Variants in KLF12 observed in about 807,000 individuals in gnomAD.
KLF12 encodes Krueppel-like factor 12.
Under a neutral mutation model 37.8 loss-of-function variants are expected in KLF12, and 9 were observed. The observed-to-expected ratio is 0.24, with a 90% CI of 0.14 to 0.42. KLF12 has a LOEUF of 0.42. Among genes scored for constraint, KLF12 ranks in the 10% least tolerant of loss-of-function variants. KLF12 has a pLI of 1.00. For missense variants in KLF12, 411 were observed against 516.0 expected, an observed-to-expected ratio of 0.80 and a Z score of 1.97; for synonymous variants, 208 against 202.1, an observed-to-expected ratio of 1.03 and a Z score of -0.25.
chr13:74,126,096 CAT>C (rs1280856786), intron 1 of KLF12, among the ~76,000 whole-genome samples: 3 of 152,142 alleles, frequency 2.0e-5, no homozygotes, highest in East Asian at 1.9e-4. Flanking sequence ...GCATATAGCA[CAT>C]ATGTGCTGTA....
chr13:74,040,579 T>G (rs1281028927), intron 1 of KLF12, among the ~76,000 whole-genome samples: 1 of 152,204 alleles, frequency 6.6e-6, no homozygotes, highest in Non-Finnish European at 1.5e-5. Context: ...CCTTTTCCAT[T>G]TTCAAACAAC....
intron 3 of KLF12, among the ~76,000 whole-genome samples, chr13:73,870,876 G>A (rs1206634379): frequency 1.3e-5 from 2 of 152,146 alleles, no homozygotes; most frequent in Non-Finnish European, 2.9e-5. Context: ...TGACTTCCTT[G>A]GACTTTTTTT....
chr13:74,110,108 CAT>C (rs905741978), intron 1 of KLF12, among the ~76,000 whole-genome samples: 50 of 152,194 alleles, frequency 3.3e-4, no homozygotes, highest in African/African-American at 1.1e-3. Flanking sequence ...TGAAATGTCA[CAT>C]GTTTCTCTGT....
chr13:74,205,536 G>A, the KLF12 span, among the ~76,000 whole-genome samples: 2 of 152,176 alleles, frequency 1.3e-5, no homozygotes, highest in East Asian at 3.9e-4. Context: ...AATTGATGTT[G>A]GCTCACTCTG....
At chr13:73,938,637 G>A (rs929890380) in intron 3 of KLF12, among the ~76,000 whole-genome samples, 1 of 152,200 alleles carries the variant, frequency 6.6e-6, no homozygotes, top group Non-Finnish European at 1.5e-5. Flanking sequence ...TTACATTACA[G>A]CTGACTTCAT....
At chr13:73,716,747 CTTTT>C (rs111769612) in intron 6 of KLF12, among the ~76,000 whole-genome samples, 5 of 151,806 alleles carry the variant, frequency 3.3e-5, no homozygotes, top group African/African-American at 7.3e-5. Flanking sequence ...TGTTTTATTC[CTTTT>C]TTTAATTCAA....
chr13:73,819,129 A>G (rs921674913), intron 4 of KLF12, among the ~76,000 whole-genome samples: 2 of 152,166 alleles, frequency 1.3e-5, no homozygotes, highest in Non-Finnish European at 2.9e-5. Context: ...TTTAGGATAA[A>G]AACATGGCTC....
At chr13:74,286,845 A>G in the KLF12 span, among the ~76,000 whole-genome samples, 13 of 152,132 alleles carry the variant, frequency 8.5e-5, no homozygotes, top group African/African-American at 3.1e-4. Flanking sequence ...TGTGCCTTCC[A>G]TGAGTTTTAT....
rs148320312 is a variant in KLF12, at chr13:73,708,085, G to A, written c.1027+7283C>T. ...TTAAATAATGTGTGGTTTCATAAAG[G>A]TAGGGAAGATCATACTCTGGAAACC... On this transcript the variant is annotated intron_variant, in intron 7 of 7. Transcript: ENST00000377669. 2.9e-3 allele frequency among the ~76,000 whole-genome samples: 446 copies of A among 152,222 alleles called. 3 individuals are homozygous for A. The highest frequency in any genetic ancestry group is 0.01 in the African/African-American group (436 of 41,542).
the KLF12 span, among the ~76,000 whole-genome samples, chr13:74,152,001 G>T: frequency 6.6e-6 from 1 of 152,254 alleles, no homozygotes; most frequent in East Asian, 1.9e-4. Context: ...AATAAAAAGG[G>T]CAACTAACAC....
At chr13:74,045,207 C>T (rs1893510502) in intron 1 of KLF12, among the ~76,000 whole-genome samples, 1 of 152,118 alleles carries the variant, frequency 6.6e-6, no homozygotes, top group African/African-American at 2.4e-5. Context: ...AAGCTGACAA[C>T]CCCTATTTCA....
chr13:74,071,479 G>C (rs530442840), intron 1 of KLF12, among the ~76,000 whole-genome samples: 6 of 151,816 alleles, frequency 4.0e-5, no homozygotes, highest in Non-Finnish European at 8.8e-5. Context: ...AAGGTCAGGA[G>C]ATCGAGACCA....
At chr13:73,748,907 C>T (rs1390584456) in intron 6 of KLF12, among the ~76,000 whole-genome samples, 1 of 152,124 alleles carries the variant, frequency 6.6e-6, no homozygotes, top group East Asian at 1.9e-4. Flanking sequence ...TATATTTATT[C>T]ACCCCATGTC....
At chr13:74,186,458 C>T in the KLF12 span, among the ~76,000 whole-genome samples, 1 of 152,026 alleles carries the variant, frequency 6.6e-6, no homozygotes, top group Non-Finnish European at 1.5e-5. Flanking sequence ...AGCAGTAGCC[C>T]AGGAACTTTG....
upstream of KLF12, among the ~76,000 whole-genome samples, chr13:74,138,545 A>C (rs1269069080): frequency 6.6e-6 from 1 of 152,214 alleles, no homozygotes; most frequent in Admixed American, 6.5e-5. Flanking sequence ...TTGGGGGATG[A>C]GCTGTCTGCA....
intron 2 of KLF12, among the ~76,000 whole-genome samples, chr13:73,982,764 C>T (rs1891720271): frequency 6.6e-6 from 1 of 152,108 alleles, no homozygotes; most frequent in South Asian, 2.1e-4. Flanking sequence ...AAATCCCTCT[C>T]TTGCCATTTT....
At chr13:73,795,061 T>G (rs947387008) in intron 5 of KLF12, among the ~76,000 whole-genome samples, 2 of 152,194 alleles carry the variant, frequency 1.3e-5, no homozygotes, top group African/African-American at 4.8e-5. Context: ...AGTCTGGATT[T>G]TACAAGCATG....
intron 1 of KLF12, among the ~76,000 whole-genome samples, chr13:74,010,685 A>C (rs1892529086): frequency 1.3e-5 from 2 of 152,178 alleles, no homozygotes; most frequent in Non-Finnish European, 2.9e-5. Flanking sequence ...ATACTACTAG[A>C]TCTTAGAAGC....
chr13:73,969,565 G>A (rs994170257), intron 2 of KLF12, among the ~76,000 whole-genome samples: 1 of 152,064 alleles, frequency 6.6e-6, no homozygotes, highest in South Asian at 2.1e-4. Context: ...TCAAGTGTGG[G>A]TCTGCAAAGA....
Sources: allele counts gnomAD v4.1 joint callset (sites outside exome capture counted in the v4.1 genomes callset), GRCh38; gene constraint gnomAD v4.1.1; transcripts MANE v1.5; gene names NCBI Gene and HGNC (gene_info 2026-07-23, HGNC 2026-07-21).